SLIT3: variants seen among roughly 807,000 people sequenced by gnomAD.
SLIT3 encodes slit guidance ligand 3, also known as slit homolog 3 protein.
A neutral mutation model predicts 184.0 loss-of-function variants in SLIT3; 68 were observed. The ratio of observed to expected loss-of-function variants is 0.37; its 90% CI spans 0.30 to 0.45. SLIT3 has a LOEUF of 0.45. SLIT3 is among the 20% of genes least tolerant of loss of function. The pLI is 1.00. For missense variants in SLIT3, 1,707 were observed against 2,026.0 expected (o/e 0.84, Z 3.02); for synonymous variants, 831 against 828.6 (o/e 1.00, Z -0.05).
At chr5:169,043,620 C>A (rs528145342) in intron 4 of SLIT3, among the ~76,000 whole-genome samples, 7 of 152,350 alleles carry the variant, frequency 4.6e-5, no homozygotes, top group African/African-American at 1.7e-4. Context: ...TTTTGAGTAG[C>A]AGGCCTTGAT....
chr5:168,836,863 G>C (rs1418665775), intron 6 of SLIT3, among the ~76,000 whole-genome samples: 1 of 152,100 alleles, frequency 6.6e-6, no homozygotes. Flanking sequence ...CTAGCTTTTG[G>C]TTAACAGGAA....
chr5:169,111,644 C>T (rs987033711), intron 4 of SLIT3, among the ~76,000 whole-genome samples: 2 of 152,078 alleles, frequency 1.3e-5, no homozygotes, highest in Non-Finnish European at 2.9e-5. Context: ...CCCAGCTACT[C>T]GGGAGGCTGA....
chr5:168,703,984 G>A (rs958712141), intron 26 of SLIT3, among the ~76,000 whole-genome samples: 2 of 143,200 alleles, frequency 1.4e-5, no homozygotes, highest in African/African-American at 2.6e-5. Flanking sequence ...ACTGGGAACA[G>A]CTGCCCTCAT....
chr5:169,155,383 C>T (rs374037561), intron 4 of SLIT3, among the ~76,000 whole-genome samples: 1 of 152,154 alleles, frequency 6.6e-6, no homozygotes, highest in Admixed American at 6.5e-5. Context: ...TTACATAATG[C>T]AACATCATGC....
At chr5:168,962,755 G>T (rs766225696) in intron 4 of SLIT3, among the ~76,000 whole-genome samples, 1 of 130,290 alleles carries the variant, frequency 7.7e-6, no homozygotes, top group South Asian at 2.2e-4. Flanking sequence ...GGGATGAAAG[G>T]TGGGCGCAGT....
chr5:168,950,857 C>T (rs1229220112), intron 4 of SLIT3, among the ~76,000 whole-genome samples: 1 of 152,200 alleles, frequency 6.6e-6, no homozygotes, highest in African/African-American at 2.4e-5. Context: ...CCTCTCATGG[C>T]TCAGCACAGT....
At chr5:169,081,115 A>C (rs1183205680) in intron 4 of SLIT3, among the ~76,000 whole-genome samples, 1 of 152,188 alleles carries the variant, frequency 6.6e-6, no homozygotes, top group Non-Finnish European at 1.5e-5. Flanking sequence ...AACTCTGCAC[A>C]ATCACGAAAG....
chr5:168,901,775 C>A (rs984926375), intron 4 of SLIT3, among the ~76,000 whole-genome samples: 1 of 152,156 alleles, frequency 6.6e-6, no homozygotes, highest in Non-Finnish European at 1.5e-5. Flanking sequence ...GAGGGCAGGG[C>A]GTGAGGGAAG....
intron 20 of SLIT3, among the ~76,000 whole-genome samples, chr5:168,741,478 C>CAAAA (rs3061744): frequency 6.1e-5 from 5 of 81,584 alleles, no homozygotes; most frequent in African/African-American, 1.5e-4. Context: ...GACTCGGTCT[C>CAAAA]AAAAAAAAAA....
chr5:169,137,284 C>T (rs1350765555), intron 4 of SLIT3, among the ~76,000 whole-genome samples: 1 of 150,670 alleles, frequency 6.6e-6, no homozygotes, highest in Admixed American at 6.6e-5. Context: ...TTAATCTCCC[C>T]CTCTTCTCTT....
At chr5:169,260,857 A>C (rs1215008394) in intron 1 of SLIT3, among the ~76,000 whole-genome samples, 1 of 152,230 alleles carries the variant, frequency 6.6e-6, no homozygotes, top group African/African-American at 2.4e-5. Flanking sequence ...GAGAGGAAGA[A>C]ATAAAGGAGT....
At chr5:169,240,654 A>T (rs1427786978) in intron 3 of SLIT3, among the ~76,000 whole-genome samples, 2 of 121,190 alleles carry the variant, frequency 1.7e-5, no homozygotes, top group Non-Finnish European at 3.5e-5. Flanking sequence ...TAAAAAGTAT[A>T]TGTTTGGTAT....
intron 32 of SLIT3, among the ~76,000 whole-genome samples, chr5:168,677,334 T>C (rs934584736): frequency 3.3e-5 from 5 of 152,194 alleles, no homozygotes; most frequent in African/African-American, 4.8e-5. Context: ...TGGAATGTAG[T>C]GGTGCAATCA....
intron 4 of SLIT3, among the ~76,000 whole-genome samples, chr5:169,110,953 GCA>G (rs892826664): frequency 1.3e-5 from 2 of 152,144 alleles, no homozygotes; most frequent in Non-Finnish European, 2.9e-5. Context: ...CTGTGGTGCC[GCA>G]CAGTCTGTTC....
At chr5:168,939,349 G>A (rs1762262366) in intron 4 of SLIT3, among the ~76,000 whole-genome samples, 1 of 152,290 alleles carries the variant, frequency 6.6e-6, no homozygotes, top group South Asian at 2.1e-4. Context: ...ACTGGACAAG[G>A]AATTCTGGCT....
chr5:168,822,013 G>T (rs72827669), intron 7 of SLIT3, among the ~76,000 whole-genome samples: 3,861 of 152,286 alleles, frequency 0.025, 68 homozygotes, highest in Non-Finnish European at 0.038. Flanking sequence ...CTCCTGGAGG[G>T]CTTATGAAAA....
At chr5:169,271,208 T>G (rs1247274888) in intron 1 of SLIT3, among the ~76,000 whole-genome samples, 4 of 152,138 alleles carry the variant, frequency 2.6e-5, no homozygotes, top group Non-Finnish European at 5.9e-5. Context: ...CAGCAGGTCC[T>G]GTGTATTTTT....
intron 4 of SLIT3, among the ~76,000 whole-genome samples, chr5:168,968,964 G>A (rs941739796): frequency 6.6e-6 from 1 of 152,164 alleles, no homozygotes; most frequent in African/African-American, 2.4e-5. Context: ...TCTACGAATA[G>A]GGCAAAGCCT....
At position 168,762,552 on chromosome 5, in the gene SLIT3, A is replaced by G. The variant is rs762961165; in HGVS notation, c.1597T>C (p.Tyr533His). 7 of 1,613,786 alleles carry G rather than the reference A, an allele frequency of 4.3e-6. No individual in the cohort carries two copies. The Admixed American group carries it at 8.3e-5, about 19-fold the overall frequency. ...LVRIPSHLPE[Y>H]VTDLRLNDNE... ...GGTTGGACTTACAGGTCGGTGACAT[A>G]TTCAGGGAGGTGGCTTGGGATGCGG... The change falls in exon 15 of 36, where the codon TAT (tyrosine) becomes CAT (histidine). Residue 533 changes from tyrosine (Y) to histidine (H), a missense_variant. By Grantham distance (83) the Tyr-to-His change is moderately conservative. This residue lies in a region of SLIT3 where 1,307 missense variants were observed against 1,511.6 expected (regional missense o/e 0.86). Coordinates refer to ENST00000519560, the MANE Select transcript of SLIT3 (RefSeq NM_003062.4).
Sources: allele counts gnomAD v4.1 joint callset (sites outside exome capture counted in the v4.1 genomes callset), GRCh38; gene constraint gnomAD v4.1.1; regional missense constraint gnomAD v4.1.1; transcripts MANE v1.5; gene names NCBI Gene and HGNC (gene_info 2026-07-23, HGNC 2026-07-21).